Variants in GRID1 observed in about 807,000 individuals in gnomAD.
GRID1 encodes glutamate ionotropic receptor delta type subunit 1.
GRID1 carries 28 observed loss-of-function variants against 98.0 expected under a neutral mutation model. That is an observed-to-expected ratio of 0.29 (90% CI 0.21 to 0.39). The LOEUF is 0.39. Among genes scored for constraint, GRID1 ranks in the 10% least tolerant of loss-of-function variants. The pLI is 1.00. For synonymous variants in GRID1, 553 were observed against 538.5 expected (o/e 1.03, Z -0.37); for missense variants, 1,111 against 1,340.5 (o/e 0.83, Z 2.67).
chr10:85,776,990 C>G (rs948709659), intron 8 of GRID1, among the ~76,000 whole-genome samples: 5 of 152,198 alleles, frequency 3.3e-5, no homozygotes, highest in Non-Finnish European at 7.3e-5. Flanking sequence ...GTATTGGCAG[C>G]TGAAATCATT....
intron 2 of GRID1, among the ~76,000 whole-genome samples, chr10:86,228,592 G>A (rs898974753): frequency 4.6e-5 from 7 of 152,172 alleles, no homozygotes; most frequent in East Asian, 1.9e-4. Flanking sequence ...TGTTGGCCCC[G>A]TATGAGGGAT....
intron 4 of GRID1, among the ~76,000 whole-genome samples, chr10:85,918,022 G>T (rs1003176330): frequency 6.6e-6 from 1 of 152,252 alleles, no homozygotes; most frequent in Non-Finnish European, 1.5e-5. Flanking sequence ...GGAGGGAGAA[G>T]TGGAGACAGG....
At chr10:86,091,544 C>CT (rs1844148657) in intron 4 of GRID1, among the ~76,000 whole-genome samples, 1 of 151,988 alleles carries the variant, frequency 6.6e-6, no homozygotes, top group Admixed American at 6.6e-5. Flanking sequence ...TGGTCCTTCC[C>CT]TACCTACCCT....
intron 4 of GRID1, among the ~76,000 whole-genome samples, chr10:86,089,949 G>A (rs986453832): frequency 1.3e-5 from 2 of 152,104 alleles, no homozygotes; most frequent in African/African-American, 4.8e-5. Context: ...GTTTCGCCAT[G>A]TTGGCCAGGC....
chr10:86,081,607 G>C (rs1365043462), intron 4 of GRID1, among the ~76,000 whole-genome samples: 1 of 152,210 alleles, frequency 6.6e-6, no homozygotes, highest in African/African-American at 2.4e-5. Context: ...GCCAAAATGT[G>C]AAAGTAACTA....
intron 12 of GRID1, among the ~76,000 whole-genome samples, chr10:85,715,906 C>CTTTT (rs55700928): frequency 2.0e-5 from 3 of 147,234 alleles, no homozygotes; most frequent in African/African-American, 5.0e-5. Flanking sequence ...TAGAACTAAC[C>CTTTT]TTTTTTTTTT....
At chr10:85,771,519 C>T (rs996832629) in intron 8 of GRID1, among the ~76,000 whole-genome samples, 2 of 152,058 alleles carry the variant, frequency 1.3e-5, no homozygotes, top group Admixed American at 1.3e-4. Flanking sequence ...TTAAAAGACA[C>T]AGACTGGCAA....
rs368871963 is a variant in GRID1 at position 86,138,875 on chromosome 10, G to C, written c.670C>G (p.Leu224Val). The change falls in exon 4 of 16, where the codon CTT becomes GTT. Residue 224 changes from leucine to valine, a missense_variant. Physicochemically the swap from Leu to Val is conservative, Grantham distance 32. This residue lies in a region of GRID1 where 346 missense variants were observed against 452.3 expected (regional missense o/e 0.76). Transcript: ENST00000327946. ...CTGAGCAGCAGGATGGCGCGGCGAA[G>C]CGTGTCCCGGTAGCGATTCAGCTCC... ...TEELNRYRDT[L>V]RRAILLLSPQ... The C allele has an allele frequency of 3.1e-6, 5 of 1,614,104 alleles. No individual in the cohort carries two copies. Among genetic ancestry groups the C allele is most frequent in the Non-Finnish European group, 3.4e-6 (4 of 1,180,030 alleles).
At chr10:85,897,333 G>A (rs1841306812) in intron 5 of GRID1, among the ~76,000 whole-genome samples, 1 of 152,124 alleles carries the variant, frequency 6.6e-6, no homozygotes, top group South Asian at 2.1e-4. Context: ...CAAAAAATAG[G>A]CAAACTGTCA....
chr10:85,922,070 G>A (rs1391031404), intron 4 of GRID1, among the ~76,000 whole-genome samples: 1 of 152,128 alleles, frequency 6.6e-6, no homozygotes, highest in Non-Finnish European at 1.5e-5. Flanking sequence ...TTGAACTACG[G>A]CCCAACTGTC....
intron 12 of GRID1, among the ~76,000 whole-genome samples, chr10:85,669,161 C>A (rs1019946146): frequency 1.3e-5 from 2 of 152,194 alleles, no homozygotes; most frequent in African/African-American, 4.8e-5. Context: ...ATTTCATAAC[C>A]ATTACCCAAA....
intron 5 of GRID1, among the ~76,000 whole-genome samples, chr10:85,887,465 T>C (rs1474111717): frequency 1.3e-5 from 2 of 152,310 alleles, no homozygotes; most frequent in East Asian, 3.9e-4. Context: ...GTGAGATCCA[T>C]GGGCCAACAG....
At chr10:85,946,003 T>C (rs950669561) in intron 4 of GRID1, among the ~76,000 whole-genome samples, 1 of 151,362 alleles carries the variant, frequency 6.6e-6, no homozygotes, top group South Asian at 2.1e-4. Flanking sequence ...ACAGATAAAA[T>C]ATGTTTAATT....
intron 4 of GRID1, among the ~76,000 whole-genome samples, chr10:86,082,696 C>G (rs970914143): frequency 1.3e-5 from 2 of 152,148 alleles, no homozygotes; most frequent in Non-Finnish European, 2.9e-5. Context: ...TTTAGCCCCC[C>G]AGGCCAAAGC....
chr10:85,936,997 C>T (rs185107451), intron 4 of GRID1, among the ~76,000 whole-genome samples: 30 of 152,286 alleles, frequency 2.0e-4, no homozygotes, highest in Non-Finnish European at 2.9e-4. Context: ...AAGCCCAGAC[C>T]GACCTGGAGA....
intron 5 of GRID1, among the ~76,000 whole-genome samples, chr10:85,901,458 C>T (rs970326379): frequency 1.3e-5 from 2 of 152,052 alleles, no homozygotes; most frequent in African/African-American, 2.4e-5. Flanking sequence ...CCGTGTTAGC[C>T]AGGATGGTCT....
At chr10:86,013,087 A>G (rs1004022685) in intron 4 of GRID1, among the ~76,000 whole-genome samples, 4 of 152,170 alleles carry the variant, frequency 2.6e-5, no homozygotes, top group African/African-American at 9.7e-5. Context: ...ATAGAGTTTC[A>G]ACCCTAGTCA....
chr10:85,921,904 T>A (rs1286258424), intron 4 of GRID1, among the ~76,000 whole-genome samples: 1 of 152,120 alleles, frequency 6.6e-6, no homozygotes, highest in South Asian at 2.1e-4. Flanking sequence ...ATACAACATC[T>A]CCTCTGCTTT....
chr10:85,829,470 A>G (rs750624299), intron 8 of GRID1, among the ~76,000 whole-genome samples: 1 of 152,186 alleles, frequency 6.6e-6, no homozygotes. Flanking sequence ...CAAGAGAAAG[A>G]AATAAAGGGC....
Sources: gnomAD v4.1 joint callset for allele counts (sites outside exome capture counted in the v4.1 genomes callset) on GRCh38, gnomAD v4.1.1 for gene constraint, gnomAD v4.1.1 regional missense constraint, MANE v1.5 for transcripts, NCBI Gene and HGNC (gene_info 2026-07-23, HGNC 2026-07-21) for gene names.